Variants in LRBA observed in about 807,000 individuals in gnomAD.
LRBA encodes the protein lipopolysaccharide-responsive and beige-like anchor protein.
LRBA carries 176 observed loss-of-function variants against 330.0 expected under a neutral mutation model. That is an observed-to-expected ratio of 0.53 (90% CI 0.47 to 0.60). The LOEUF (loss-of-function observed/expected upper bound fraction) is 0.60, where lower values mean the gene tolerates loss of function less well. Ranked by LOEUF, LRBA falls within the 20% of genes least tolerant of loss-of-function variation. The probability of loss-of-function intolerance (pLI) is 0.00; values close to 1 mark genes in which losing one functional copy is unlikely to be tolerated. For synonymous variants in LRBA, 1,230 were observed against 1,193.0 expected, an observed-to-expected ratio of 1.03 and a Z score of -0.64; for missense variants, 3,259 against 3,444.8, an observed-to-expected ratio of 0.95 and a Z score of 1.35.
rs191942809 is a variant in LRBA at position 150,940,477 on chromosome 4, T to C, written c.217-11412A>G. 7.2e-5 allele frequency among the ~76,000 whole-genome samples: 11 copies of C among 152,350 alleles called. No homozygotes were observed. The East Asian group carries it at 7.7e-4, about 11-fold the overall frequency. On this transcript the variant is annotated intron_variant, in intron 2 of 56. Transcript: ENST00000651943. ...GAAAAAGAGATTCCAAGTAAAAATA[T>C]TGTTCTATTGTTAACCTGGTATTGG...
intron 37 of LRBA, among the ~76,000 whole-genome samples, chr4:150,622,949 G>A (rs570870563): frequency 6.6e-6 from 1 of 151,742 alleles, no homozygotes; most frequent in South Asian, 2.1e-4. Flanking sequence ...CACCCGCCTC[G>A]GCCTCCCAAA....
At chr4:150,514,809 C>A (rs530909941) in intron 40 of LRBA, among the ~76,000 whole-genome samples, 1 of 152,160 alleles carries the variant, frequency 6.6e-6, no homozygotes, top group Non-Finnish European at 1.5e-5. Flanking sequence ...CTTCTTATTG[C>A]GTATGTTAAA....
chr4:150,736,623 T>C (rs1731213457), intron 35 of LRBA, among the ~76,000 whole-genome samples: 1 of 152,042 alleles, frequency 6.6e-6, no homozygotes, highest in Admixed American at 6.6e-5. Flanking sequence ...AAGAATCTAA[T>C]GTAAGTGTAT....
intron 44 of LRBA, among the ~76,000 whole-genome samples, chr4:150,437,503 C>A (rs894944898): frequency 2.8e-4 from 38 of 135,952 alleles, no homozygotes; most frequent in South Asian, 6.6e-4. Context: ...CTCTCTCTCT[C>A]TCTCTATATA....
Position 150,347,804 on chromosome 4 carries a change from A to G in LRBA, c.7362+2188T>C, listed in dbSNP as rs149735349. Among the ~76,000 whole-genome samples the G allele has an allele frequency of 6.6e-3, 1,007 of 152,316 alleles. 10 individuals are homozygous for G. The highest frequency in any genetic ancestry group is 0.023 in the African/African-American group (963 of 41,572). On this transcript the variant is annotated intron_variant, in intron 48 of 56. Coordinates refer to ENST00000651943, the MANE Select transcript of LRBA (RefSeq NM_001364905.1). ...ATTCAAATATATATCTAATGTCTAC[A>G]TGGAGTATTCCCACTTTGAAATATC...
At chr4:150,559,656 AAT>A (rs1267827836) in intron 40 of LRBA, among the ~76,000 whole-genome samples, 3 of 44,366 alleles carry the variant, frequency 6.8e-5, no homozygotes, top group African/African-American at 1.8e-4. Context: ...TATAATATAT[AAT>A]TATAATATAT....
intron 34 of LRBA, among the ~76,000 whole-genome samples, chr4:150,762,364 G>T (rs1007836488): frequency 6.6e-6 from 1 of 151,776 alleles, no homozygotes; most frequent in African/African-American, 2.4e-5. Context: ...ATAATTCACT[G>T]CCCTATGAAT....
chr4:150,559,695 AT>A (rs1767894373), intron 40 of LRBA, among the ~76,000 whole-genome samples: 1 of 90,484 alleles, frequency 1.1e-5, no homozygotes, highest in Admixed American at 1.9e-4. Context: ...TATATTATAT[AT>A]TATATATTAT....
chr4:150,922,995 A>G (rs1231611910), intron 4 of LRBA, among the ~76,000 whole-genome samples: 2 of 152,080 alleles, frequency 1.3e-5, no homozygotes, highest in Non-Finnish European at 2.9e-5. Context: ...TTAAACAACT[A>G]TACAGATGCT....
At chr4:150,797,515 A>T (rs569844448) in intron 34 of LRBA, among the ~76,000 whole-genome samples, 1 of 152,132 alleles carries the variant, frequency 6.6e-6, no homozygotes, top group Admixed American at 6.5e-5. Context: ...TTTTAAAAAA[A>T]TCATTAAAGT....
At chr4:150,556,703 T>C (rs530715160) in intron 40 of LRBA, among the ~76,000 whole-genome samples, 5 of 152,214 alleles carry the variant, frequency 3.3e-5, no homozygotes, top group Non-Finnish European at 7.4e-5. Context: ...AAAATGCAGA[T>C]TGACATATTA....
At chr4:150,659,181 G>A (rs371297362) in intron 37 of LRBA, among the ~76,000 whole-genome samples, 5 of 116,798 alleles carry the variant, frequency 4.3e-5, no homozygotes, top group East Asian at 3.0e-4. Context: ...GCCGCCCATC[G>A]TCTGGGATGT....
At chr4:150,971,348 TATA>T (rs769646961) in intron 2 of LRBA, among the ~76,000 whole-genome samples, 11 of 152,164 alleles carry the variant, frequency 7.2e-5, no homozygotes, top group Non-Finnish European at 1.6e-4. Context: ...TACTGTCACA[TATA>T]ATGATTGTTT....
At chr4:150,383,308 G>A (rs188164968) in intron 47 of LRBA, among the ~76,000 whole-genome samples, 5 of 152,166 alleles carry the variant, frequency 3.3e-5, no homozygotes, top group Admixed American at 1.3e-4. Flanking sequence ...GTGCAGTGGC[G>A]CAATCATGGC....
At chr4:150,435,536 C>T (rs1478084212) in intron 46 of LRBA, 53 bp downstream of exon 46, 2 of 1,544,426 alleles carry the variant, frequency 1.3e-6, no homozygotes, top group Admixed American at 2.1e-5. Context: ...TCAACATTCA[C>T]TCAACAAGTA....
chr4:150,888,490 C>T (rs905161825), intron 17 of LRBA, among the ~76,000 whole-genome samples: 28 of 152,054 alleles, frequency 1.8e-4, no homozygotes, highest in African/African-American at 6.5e-4. Flanking sequence ...TATATACAGA[C>T]ATAATAAGGA....
chr4:150,777,887 T>C (rs28558492), intron 34 of LRBA, among the ~76,000 whole-genome samples: 13,467 of 144,904 alleles, frequency 0.093, 1,057 homozygotes, highest in African/African-American at 0.21. Flanking sequence ...GGCAGGAGAA[T>C]CGCTTGAACC....
Position 150,634,356 on chromosome 4 carries a change from C to T in LRBA, c.5922-35225G>A, listed in dbSNP as rs1054912569. On this transcript the variant is annotated intron_variant, in intron 37 of 56. Transcript: ENST00000651943. ...AAATCTATGTAAACTGGGAACATGT[C>T]CACTTCTGTTTATTATGGGAGCTCT... is the stretch of plus-strand genomic sequence containing the variant. Among the ~76,000 whole-genome samples the T allele has an allele frequency of 1.6e-4, 24 of 152,144 alleles. 1 individual carries two copies. Among genetic ancestry groups the T allele is most frequent in the South Asian group, 6.2e-4 (3 of 4,824 alleles).
intron 44 of LRBA, among the ~76,000 whole-genome samples, chr4:150,449,944 T>TA (rs1753142526): frequency 1.3e-5 from 2 of 152,112 alleles, no homozygotes; most frequent in Middle Eastern, 3.4e-3. Flanking sequence ...GCCAACCATA[T>TA]AAAAAATTAC....
Sources: gnomAD v4.1 joint callset for allele counts (sites outside exome capture counted in the v4.1 genomes callset) on GRCh38, gnomAD v4.1.1 for gene constraint, MANE v1.5 for transcripts, NCBI Gene and HGNC (gene_info 2026-07-23, HGNC 2026-07-21) for gene names.